The following COL21A1 variants were observed in gnomAD, a reference collection of about 807,000 sequenced individuals.
The protein encoded by COL21A1 is collagen alpha-1(XXI) chain.
A neutral mutation model predicts 137.9 loss-of-function variants in COL21A1; 149 were observed. That is an observed-to-expected ratio of 1.08 (90% CI 0.95 to 1.24). The LOEUF (loss-of-function observed/expected upper bound fraction) is 1.24, where lower values mean the gene tolerates loss of function less well. COL21A1 is among the 50% of genes most tolerant of loss of function. The pLI, the probability that COL21A1 is intolerant of heterozygous loss-of-function variation, is 0.00. For missense variants in COL21A1, 1,167 were observed against 1,158.4 expected, an observed-to-expected ratio of 1.01 and a Z score of -0.11; for synonymous variants, 456 against 391.5, an observed-to-expected ratio of 1.16 and a Z score of -1.95.
intron 1 of COL21A1, among the ~76,000 whole-genome samples, chr6:56,312,752 A>C (rs186288183): frequency 6.6e-6 from 1 of 152,352 alleles, no homozygotes; most frequent in East Asian, 1.9e-4. Flanking sequence ...GGTTGCCAAA[A>C]GAGAAAGCAT....
chr6:56,270,966 G>A (rs1403798151), intron 1 of COL21A1, among the ~76,000 whole-genome samples: 1 of 152,192 alleles, frequency 6.6e-6, no homozygotes, highest in Non-Finnish European at 1.5e-5. Flanking sequence ...ACAGCAGTAT[G>A]AAAACAGACT....
rs780771295 is a variant in COL21A1 at position 56,166,892 on chromosome 6, T to A, written c.1278+14A>T. The A allele has an allele frequency of 1.1e-5, 17 of 1,604,488 alleles. No homozygotes were observed. Among genetic ancestry groups the A allele is most frequent in the Non-Finnish European group, 1.4e-5 (17 of 1,173,348 alleles). On this transcript the variant is annotated intron_variant, in intron 7 of 29. Coordinates refer to ENST00000244728, the MANE Select transcript of COL21A1 (RefSeq NM_030820.4). ...AAAGCAACATCTGGGAAAAAAACAA[T>A]CCCTCCTACTTACAAATCCAGGAAT...
intron 1 of COL21A1, among the ~76,000 whole-genome samples, chr6:56,227,485 A>C (rs905860859): frequency 1.3e-5 from 2 of 152,006 alleles, no homozygotes; most frequent in African/African-American, 4.8e-5. Context: ...GGGAGACATA[A>C]ATTTTTATCA....
chr6:56,134,330 C>G (rs547271528), intron 12 of COL21A1, among the ~76,000 whole-genome samples: 2 of 152,102 alleles, frequency 1.3e-5, no homozygotes, highest in Non-Finnish European at 2.9e-5. Context: ...GCCTTTACCC[C>G]CTTCGTTTTG....
intron 17 of COL21A1, among the ~76,000 whole-genome samples, chr6:56,078,404 T>G (rs62404863): frequency 1.3e-5 from 2 of 151,414 alleles, no homozygotes; most frequent in African/African-American, 4.8e-5. Flanking sequence ...CTGAAACAGT[T>G]AACAACATTT....
intron 1 of COL21A1, among the ~76,000 whole-genome samples, chr6:56,380,003 T>C (rs1376141374): frequency 6.6e-6 from 1 of 152,196 alleles, no homozygotes; most frequent in African/African-American, 2.4e-5. Context: ...CCAAATCTCC[T>C]GTTGAAATGC....
At chr6:56,196,476 T>C (rs2152294529) in intron 1 of COL21A1, among the ~76,000 whole-genome samples, 1 of 152,152 alleles carries the variant, frequency 6.6e-6, no homozygotes, top group South Asian at 2.1e-4. Flanking sequence ...CCATAAAGAC[T>C]CTACCAAGAA....
intron 1 of COL21A1, among the ~76,000 whole-genome samples, chr6:56,202,733 G>A (rs151060697): frequency 1.3e-4 from 20 of 152,248 alleles, no homozygotes; most frequent in African/African-American, 2.6e-4. Context: ...CATAATATCC[G>A]TCAAAACCAC....
At position 56,289,678 on chromosome 6, in the gene COL21A1, G is replaced by T. The variant is rs532906315; in HGVS notation, c.-39+104293C>A. Among the ~76,000 whole-genome samples the T allele has an allele frequency of 9.2e-5, 14 of 152,274 alleles. No homozygotes were observed. In the East Asian group the frequency reaches 2.7e-3, roughly 29 times the overall value. ...ACCTGAATATGTGTTCTGAGCTAGG[G>T]AATCCGGGAATACCAACCTGGAGAG... On this transcript the variant is annotated intron_variant, in intron 1 of 28. Coordinates refer to the COL21A1 transcript ENST00000370819.
intron 1 of COL21A1, among the ~76,000 whole-genome samples, chr6:56,235,730 A>T (rs1268072817): frequency 6.6e-6 from 1 of 151,942 alleles, no homozygotes; most frequent in African/African-American, 2.4e-5. Context: ...TTGGTTATTC[A>T]TAATTTGAAT....
At chr6:56,165,169 G>GA (rs914355109) in intron 7 of COL21A1, among the ~76,000 whole-genome samples, 18 of 151,914 alleles carry the variant, frequency 1.2e-4, no homozygotes, top group Non-Finnish European at 2.4e-4. Context: ...TTAAGAACCA[G>GA]AAAAAAAATG....
At chr6:56,222,161 T>C (rs1041786561) in intron 1 of COL21A1, among the ~76,000 whole-genome samples, 3 of 151,992 alleles carry the variant, frequency 2.0e-5, no homozygotes, top group African/African-American at 7.3e-5. Context: ...TAATCCCAAC[T>C]ACTCGGGAGG....
intron 7 of COL21A1, among the ~76,000 whole-genome samples, chr6:56,165,130 T>C (rs1582531713): frequency 1.3e-5 from 2 of 152,284 alleles, no homozygotes; most frequent in Middle Eastern, 3.4e-3. Flanking sequence ...ATGAGATTTA[T>C]ATGCTGTCTT....
intron 1 of COL21A1, among the ~76,000 whole-genome samples, chr6:56,284,970 G>T (rs943259093): frequency 6.6e-6 from 1 of 152,278 alleles, no homozygotes; most frequent in African/African-American, 2.4e-5. Flanking sequence ...AAGCCCCCAG[G>T]TGATTCAAAT....
intron 1 of COL21A1, among the ~76,000 whole-genome samples, chr6:56,229,601 C>A (rs1031431956): frequency 1.3e-5 from 2 of 151,886 alleles, no homozygotes; most frequent in African/African-American, 4.8e-5. Context: ...TCATACTCTA[C>A]GTCCACTATG....
In COL21A1 at chr6:56,392,278, T is replaced by A. The variant is rs547437574; in HGVS notation, c.-39+1693A>T. 2.9e-3 allele frequency among the ~76,000 whole-genome samples: 439 copies of A among 151,968 alleles called. 2 individuals are homozygous for A. Among genetic ancestry groups the A allele is most frequent in the African/African-American group, 9.1e-3 (377 of 41,436 alleles). ...TCATTTCAATTGATGACAAAAAAAATTTGATAAAATTTAACATCCCTTCAT... is the reference window on the plus strand; with the variant it reads ...TCATTTCAATTGATGACAAAAAAAAATTGATAAAATTTAACATCCCTTCAT... On this transcript the variant is annotated intron_variant, in intron 1 of 28. Transcript: ENST00000370819.
chr6:56,064,289 C>A (rs1421621775), intron 24 of COL21A1, among the ~76,000 whole-genome samples: 1 of 151,950 alleles, frequency 6.6e-6, no homozygotes, highest in Non-Finnish European at 1.5e-5. Flanking sequence ...CAATAACTAC[C>A]CCCAAGAAAT....
intron 3 of COL21A1, among the ~76,000 whole-genome samples, chr6:56,172,483 C>T (rs971237121): frequency 6.6e-5 from 10 of 152,214 alleles, no homozygotes; most frequent in South Asian, 6.2e-4. Context: ...TAAACACAAG[C>T]TGAGAAAGTT....
At chr6:56,200,982 T>TA (rs1242745031) in intron 1 of COL21A1, among the ~76,000 whole-genome samples, 1 of 152,172 alleles carries the variant, frequency 6.6e-6, no homozygotes. Context: ...CCTGACTTTT[T>TA]AATGATCGCC....
Sources: allele counts gnomAD v4.1 joint callset (sites outside exome capture counted in the v4.1 genomes callset), GRCh38; gene constraint gnomAD v4.1.1; transcripts MANE v1.5; gene names NCBI Gene and HGNC (gene_info 2026-07-23, HGNC 2026-07-21).